Variants in ADAMTS12 observed in about 807,000 individuals in gnomAD.
The protein encoded by ADAMTS12 is ADAM metallopeptidase with thrombospondin type 1 motif 12.
A neutral mutation model predicts 167.8 loss-of-function variants in ADAMTS12; 118 were observed. The ratio of observed to expected loss-of-function variants is 0.70; its 90% CI spans 0.61 to 0.82. ADAMTS12 has a LOEUF of 0.82. Ranked by LOEUF, ADAMTS12 falls within the 40% of genes least tolerant of loss-of-function variation. The pLI is 0.00. For synonymous variants in ADAMTS12, 704 were observed against 716.9 expected, an observed-to-expected ratio of 0.98 and a Z score of 0.29; for missense variants, 1,916 against 1,998.8, an observed-to-expected ratio of 0.96 and a Z score of 0.79.
intron 2 of ADAMTS12, among the ~76,000 whole-genome samples, chr5:33,807,598 T>C (rs1747287450): frequency 6.6e-6 from 1 of 152,232 alleles, no homozygotes; most frequent in Non-Finnish European, 1.5e-5. Flanking sequence ...ATTATTGTTT[T>C]CATAATCATT....
At chr5:33,683,153 A>T in intron 4 of ADAMTS12, 52 bp from the exon 5 acceptor site, 2 of 1,361,518 alleles carry the variant, frequency 1.5e-6, no homozygotes, top group Non-Finnish European at 2.1e-6. Context: ...ATAATAAATA[A>T]ATACCAGAGA....
intron 2 of ADAMTS12, among the ~76,000 whole-genome samples, chr5:33,796,050 T>C (rs916421902): frequency 2.6e-4 from 39 of 152,354 alleles, no homozygotes; most frequent in African/African-American, 9.1e-4. Flanking sequence ...TGCAACAATG[T>C]TGCCTGTGGC....
chr5:33,585,898 T>C (rs441175), intron 18 of ADAMTS12, among the ~76,000 whole-genome samples: 63,621 of 151,918 alleles, frequency 0.42, 13,466 homozygotes, highest in East Asian at 0.63. Context: ...GCCCACTCTC[T>C]CCTCACTGCT....
chr5:33,640,372 T>C (rs1022181708), intron 11 of ADAMTS12, among the ~76,000 whole-genome samples: 3 of 152,324 alleles, frequency 2.0e-5, no homozygotes, highest in African/African-American at 7.2e-5. Context: ...AGGAGTTCCC[T>C]TCTCTGATAG....
rs946631792 is a variant in ADAMTS12 at position 33,548,251 on chromosome 5, G to A, written c.4302+956C>T. 2.0e-5 allele frequency among the ~76,000 whole-genome samples: 3 copies of A among 152,168 alleles called. No individual in the cohort carries two copies. The South Asian group carries it at 6.2e-4, about 32-fold the overall frequency. On this transcript the variant is annotated intron_variant, in intron 21 of 23. Transcript: ENST00000504830. ...CCCATTGGGCTAGTTCCACATCATA[G>A]CAGGATCAAAGATGGGCAATCAAAG...
intron 20 of ADAMTS12, among the ~76,000 whole-genome samples, chr5:33,549,617 G>A (rs992881284): frequency 3.3e-5 from 5 of 152,192 alleles, no homozygotes; most frequent in Non-Finnish European, 5.9e-5. Context: ...TGAGCCCTTG[G>A]GCCTGTCACT....
At chr5:33,619,316 A>G (rs1739189993) in intron 14 of ADAMTS12, among the ~76,000 whole-genome samples, 1 of 152,212 alleles carries the variant, frequency 6.6e-6, no homozygotes, top group African/African-American at 2.4e-5. Flanking sequence ...GTATTTGCAT[A>G]AAACAATAGA....
At chr5:33,866,673 G>A (rs944672471) in intron 2 of ADAMTS12, among the ~76,000 whole-genome samples, 1 of 151,954 alleles carries the variant, frequency 6.6e-6, no homozygotes. Context: ...CACAGAATGA[G>A]AGACAATATT....
chr5:33,632,396 A>AAAACAAAC (rs70964407), intron 12 of ADAMTS12, among the ~76,000 whole-genome samples: 173 of 151,198 alleles, frequency 1.1e-3, no homozygotes, highest in African/African-American at 3.5e-3. Context: ...CCTGAATCCA[A>AAAACAAAC]AAACAAACAA....
intron 12 of ADAMTS12, among the ~76,000 whole-genome samples, chr5:33,631,900 A>T (rs923675751): frequency 2.0e-5 from 3 of 152,178 alleles, no homozygotes; most frequent in African/African-American, 7.2e-5. Context: ...CAATGGTACC[A>T]GCCATAAGGC....
In ADAMTS12 at chr5:33,695,737, C is replaced by T. The variant is rs79896697; in HGVS notation, c.635-11682G>A. ...TGGGAAAAACTGTTTAATTTGTACACAGTTTTGGTTTGGGGAGATGGGAAA... is the reference window on the plus strand; with the variant it reads ...TGGGAAAAACTGTTTAATTTGTACATAGTTTTGGTTTGGGGAGATGGGAAA... On this transcript the variant is annotated intron_variant, in intron 3 of 23. Coordinates refer to ENST00000504830, the MANE Select transcript of ADAMTS12 (RefSeq NM_030955.4). 5.7e-3 allele frequency among the ~76,000 whole-genome samples: 865 copies of T among 152,274 alleles called. 7 individuals are homozygous for T. The highest frequency in any genetic ancestry group is 9.4e-3 in the Non-Finnish European group (638 of 68,016).
intron 22 of ADAMTS12, among the ~76,000 whole-genome samples, chr5:33,544,986 C>A (rs1306200553): frequency 1.3e-5 from 2 of 152,170 alleles, no homozygotes; most frequent in Admixed American, 1.3e-4. Flanking sequence ...AAAGCAATGG[C>A]AACAAAAGCC....
At chr5:33,856,058 C>G (rs984191000) in intron 2 of ADAMTS12, among the ~76,000 whole-genome samples, 1 of 152,146 alleles carries the variant, frequency 6.6e-6, no homozygotes, top group Non-Finnish European at 1.5e-5. Flanking sequence ...AGAAGGCCTC[C>G]CAACTTGTAT....
chr5:33,866,120 T>C (rs1749809747), intron 2 of ADAMTS12, among the ~76,000 whole-genome samples: 1 of 152,130 alleles, frequency 6.6e-6, no homozygotes, highest in African/African-American at 2.4e-5. Flanking sequence ...AAAATTCATA[T>C]GGAACCAAAG....
chr5:33,615,836 A>T lies in ADAMTS12; in HGVS notation c.2380T>A (p.Trp794Arg), dbSNP rs1256808079. The T allele has an allele frequency of 6.2e-7, 1 of 1,614,158 alleles. No homozygotes were observed. Among genetic ancestry groups the T allele is most frequent in the South Asian group, 1.1e-5 (1 of 91,080 alleles). Residue 794 changes from tryptophan to arginine, a missense_variant, in exon 15 of 24, where the codon TGG becomes AGG. Trp to Arg is a moderately radical substitution (Grantham distance 101). Transcript: ENST00000504830. ...CCTCCTTTCTGCATTACCTGGATCC[A>T]CACAGACTCATTGGTGGGACCTGTG... is the stretch of plus-strand genomic sequence containing the variant. The part of the protein sequence containing the change: ...MATGPTNESV[W>R]IQLLFQVTNP...
chr5:33,611,680 C>A (rs985459665), intron 16 of ADAMTS12, among the ~76,000 whole-genome samples: 2 of 152,060 alleles, frequency 1.3e-5, no homozygotes, highest in Non-Finnish European at 2.9e-5. Context: ...TCCCTAAATG[C>A]TCATCAGAAG....
intron 16 of ADAMTS12, among the ~76,000 whole-genome samples, chr5:33,596,785 C>A (rs967917603): frequency 5.3e-5 from 8 of 152,208 alleles, no homozygotes; most frequent in African/African-American, 1.7e-4. Flanking sequence ...AGACAGATAT[C>A]TTTATATTAG....
intron 5 of ADAMTS12, among the ~76,000 whole-genome samples, chr5:33,664,815 A>G (rs1417018083): frequency 6.6e-6 from 1 of 152,186 alleles, no homozygotes; most frequent in African/African-American, 2.4e-5. Context: ...AGGATATACA[A>G]TCAGTAAGTC....
At chr5:33,710,400 T>C (rs1743353431) in intron 3 of ADAMTS12, among the ~76,000 whole-genome samples, 1 of 152,142 alleles carries the variant, frequency 6.6e-6, no homozygotes, top group African/African-American at 2.4e-5. Flanking sequence ...GCCAAGGTTG[T>C]AGGCTGGAAC....
Sources: allele counts gnomAD v4.1 joint callset (sites outside exome capture counted in the v4.1 genomes callset), GRCh38; gene constraint gnomAD v4.1.1; transcripts MANE v1.5; gene names NCBI Gene and HGNC (gene_info 2026-07-23, HGNC 2026-07-21).